The following PZP variants were observed in gnomAD, a reference collection of about 807,000 sequenced individuals.
The protein encoded by PZP is pregnancy zone protein.
A neutral mutation model predicts 179.8 loss-of-function variants in PZP; 150 were observed. The observed-to-expected ratio is 0.83, with a 90% CI of 0.73 to 0.96. PZP has a LOEUF of 0.96. PZP is among the 40% of genes least tolerant of loss of function. PZP has a pLI of 0.00. For missense variants in PZP, 1,689 were observed against 1,764.0 expected, an observed-to-expected ratio of 0.96 and a Z score of 0.76; for synonymous variants, 624 against 652.3, an observed-to-expected ratio of 0.96 and a Z score of 0.66.
At chr12:9,195,702 C>T (rs11049379) in intron 10 of PZP, among the ~76,000 whole-genome samples, 2 of 149,588 alleles carry the variant, frequency 1.3e-5, no homozygotes, top group African/African-American at 2.5e-5. Context: ...GATCCTCCCC[C>T]CTTGGCCTCC....
At chr12:9,157,706 G>T in intron 27 of PZP, 61 bp downstream of exon 27, 1 of 1,442,192 alleles carries the variant, frequency 6.9e-7, no homozygotes, top group Non-Finnish European at 9.8e-7. Flanking sequence ...TAGCAGGGTG[G>T]CATTCCAGAC....
chr12:9,200,522 T>G, intron 6 of PZP, 74 bp from the exon 7 acceptor site: 1 of 1,214,786 alleles, frequency 8.2e-7, no homozygotes, highest in Non-Finnish European at 1.2e-6. Flanking sequence ...TCAGTATGTC[T>G]ATAATTTTTC....
downstream of PZP, among the ~76,000 whole-genome samples, chr12:9,144,440 G>C (rs1474041611): frequency 6.6e-6 from 1 of 152,156 alleles, no homozygotes; most frequent in Non-Finnish European, 1.5e-5. Context: ...CCAGTGGGAT[G>C]AGCTGCCACT....
chr12:9,160,034 G>C lies in PZP; in HGVS notation c.3050-9C>G. On this transcript the variant is annotated splice_polypyrimidine_tract_variant and intron_variant, in intron 24 of 35. Coordinates refer to ENST00000261336, the MANE Select transcript of PZP (RefSeq NM_002864.3). ...CAGCTGTCTCTGGTAACCTGAAATGGAAGGCTTCAGATTGTTCATGAAGCA... is the reference window on the plus strand; with the variant it reads ...CAGCTGTCTCTGGTAACCTGAAATGCAAGGCTTCAGATTGTTCATGAAGCA... 6.2e-7 allele frequency: 1 copy of C among 1,608,182 alleles called. No individual in the cohort carries two copies. The highest frequency in any genetic ancestry group is 8.5e-7 in the Non-Finnish European group (1 of 1,174,746).
At chr12:9,207,902 A>G (rs1944520493) in intron 1 of PZP, among the ~76,000 whole-genome samples, 1 of 152,224 alleles carries the variant, frequency 6.6e-6, no homozygotes, top group South Asian at 2.1e-4. Flanking sequence ...TTCTGTATAT[A>G]TATATATGGC....
the PZP span, among the ~76,000 whole-genome samples, chr12:9,137,536 G>T: frequency 1.3e-5 from 2 of 151,766 alleles, no homozygotes; most frequent in South Asian, 4.2e-4. Flanking sequence ...ATAAATTTTA[G>T]GATTTCCTTT....
chr12:9,168,702 TTCTAGC>T, intron 17 of PZP, 161 bp downstream of exon 17: 1 of 606,010 alleles, frequency 1.7e-6, no homozygotes, highest in South Asian at 2.1e-5. Flanking sequence ...CTCTGATCAG[TTCTAGC>T]TATCACCAGC....
At chr12:9,149,748 G>A (rs1055146068) in intron 34 of PZP, 146 bp from the exon 35 acceptor site, 1 of 652,704 alleles carries the variant, frequency 1.5e-6, no homozygotes, top group South Asian at 2.4e-5. Flanking sequence ...GAATTAAACA[G>A]GATCATTAAC....
intron 8 of PZP, 59 bp from the exon 9 acceptor site, chr12:9,196,744 T>A: frequency 7.1e-7 from 1 of 1,404,296 alleles, no homozygotes; most frequent in Non-Finnish European, 1.0e-6. Context: ...AGTCACTGAA[T>A]CTACTATTCT....
intron 9 of PZP, 28 bp from the exon 10 acceptor site, chr12:9,196,467 T>G (rs924261611): frequency 6.3e-7 from 1 of 1,581,336 alleles, no homozygotes; most frequent in Non-Finnish European, 8.7e-7. Context: ...TCAGTACTTT[T>G]AGAAGTTACT....
Position 9,200,266 on chromosome 12 carries a change from A to G in PZP, c.755+98T>C, listed in dbSNP as rs1944076849. On this transcript the variant is annotated intron_variant, in intron 7 of 35. Transcript: ENST00000261336. The stretch of plus-strand genomic sequence containing the variant: ...GAGAAGTCAAAGGAGTAATATTACA[A>G]AAGTGCTGAGGCAAAGTAAATTTAT... 7.5e-5 allele frequency: 56 copies of G among 745,402 alleles called. 1 individual carries two copies. In the South Asian group the frequency reaches 1.2e-3, roughly 16 times the overall value. 46.2% of individuals were successfully genotyped at this position (745,402 alleles called of 1,614,324 possible). A position where few individuals can be genotyped will look rare whatever the true frequency, so the allele number is the denominator to read the frequency against.
In PZP at chr12:9,164,338, G is replaced by A. The variant is rs960604873; in HGVS notation, c.2488-79C>T. 79 of 1,449,608 alleles carry A rather than the reference G, an allele frequency of 5.4e-5. 1 individual carries two copies. In the African/African-American group the frequency reaches 1.1e-3, roughly 20 times the overall value. 89.8% of individuals were successfully genotyped at this position (1,449,608 alleles called of 1,614,324 possible). On this transcript the variant is annotated intron_variant, in intron 19 of 35. Coordinates refer to ENST00000261336, the MANE Select transcript of PZP (RefSeq NM_002864.3). ...AACACATAGAATTGGGGCCAAGTGT[G>A]AGATGCTGCAGTAAATTGGGATTTG...
intron 15 of PZP, among the ~76,000 whole-genome samples, chr12:9,178,267 T>C (rs968186786): frequency 5.1e-4 from 77 of 152,356 alleles, no homozygotes; most frequent in African/African-American, 1.8e-3. Context: ...TCTCACACTT[T>C]CCTGCTTCAT....
rs756740034 is a variant in PZP at position 9,157,851 on chromosome 12, C to T, written c.3295-10G>A. ...CATCTTCTACACCTCCCTGTGAATACAACATTGATTTGATTAATTCCAGTG... is the reference window on the plus strand; with the variant it reads ...CATCTTCTACACCTCCCTGTGAATATAACATTGATTTGATTAATTCCAGTG... On this transcript the variant is annotated splice_polypyrimidine_tract_variant and intron_variant, in intron 26 of 35. Coordinates refer to ENST00000261336, the MANE Select transcript of PZP (RefSeq NM_002864.3). The T allele has an allele frequency of 3.1e-6, 5 of 1,608,298 alleles. No homozygotes were observed. The highest frequency in any genetic ancestry group is 4.3e-6 in the Non-Finnish European group (5 of 1,175,220).
chr12:9,151,714 A>G, intron 32 of PZP, 42 bp from the exon 33 acceptor site: 1 of 1,504,518 alleles, frequency 6.6e-7, no homozygotes, highest in Non-Finnish European at 9.2e-7. Context: ...TAGAGAACAG[A>G]TGTGAGAATG....
chr12:9,152,959 A>G lies in PZP; in HGVS notation c.3994-8T>C. 6.2e-7 allele frequency: 1 copy of G among 1,614,136 alleles called. No individual in the cohort carries two copies. Among genetic ancestry groups the G allele is most frequent in the Non-Finnish European group, 8.5e-7 (1 of 1,180,020 alleles). ...ATTGTATTTCATGGATGTCTGTGAA[A>G]CAGCAAAGACACTATCAGTTTCTCT... On this transcript the variant is annotated splice_polypyrimidine_tract_variant and splice_region_variant and intron_variant, in intron 30 of 35. Transcript: ENST00000261336.
chr12:9,194,845 G>A (rs1205718438), intron 10 of PZP, among the ~76,000 whole-genome samples: 3 of 152,094 alleles, frequency 2.0e-5, no homozygotes, highest in Non-Finnish European at 4.4e-5. Flanking sequence ...AATTTAAACT[G>A]GCTGTTTTTC....
At chr12:9,206,936 C>T (rs1944465422) in intron 1 of PZP, among the ~76,000 whole-genome samples, 1 of 152,164 alleles carries the variant, frequency 6.6e-6, no homozygotes, top group Non-Finnish European at 1.5e-5. Flanking sequence ...AAAATAGCCT[C>T]CACATATTCC....
At chr12:9,171,646 A>G (rs1942008813) in intron 15 of PZP, among the ~76,000 whole-genome samples, 1 of 152,186 alleles carries the variant, frequency 6.6e-6, no homozygotes, top group African/African-American at 2.4e-5. Flanking sequence ...GAGGAACATA[A>G]CTGACCTGAT....
Sources: gnomAD v4.1 joint callset for allele counts (sites outside exome capture counted in the v4.1 genomes callset) on GRCh38, gnomAD v4.1.1 for gene constraint, MANE v1.5 for transcripts, NCBI Gene and HGNC (gene_info 2026-07-23, HGNC 2026-07-21) for gene names.